REEP3: variants seen among roughly 807,000 people sequenced by gnomAD.
REEP3 encodes the protein receptor expression-enhancing protein 3.
REEP3 carries 20 observed loss-of-function variants against 41.3 expected under a neutral mutation model. That is an observed-to-expected ratio of 0.48 (90% CI 0.34 to 0.70). REEP3 has a LOEUF of 0.70. REEP3 is among the 30% of genes least tolerant of loss of function. The pLI is 0.01. For synonymous variants in REEP3, 104 were observed against 101.8 expected (o/e 1.02, Z -0.13); for missense variants, 271 against 308.8 (o/e 0.88, Z 0.92).
In REEP3 at chr10:63,533,710, C is replaced by CTTTTTTTTTTGTTTTTTTTTTTTTT. The variant is rs1955447037; in HGVS notation, c.32+12143_32+12144insGTTTTTTTTTTTTTTTTTTTTTTTT. Reference sequence around the variant, plus strand: ...GAAAGAGCCTTGGAAGTATGTAAATCTTTTTTTTTTTTTTTGAGACGGAGT... The same window carrying CTTTTTTTTTTGTTTTTTTTTTTTTT: ...GAAAGAGCCTTGGAAGTATGTAAATCTTTTTTTTTTGTTTTTTTTTTTTTTTTTTTTTTTTTTTTTGAGACGGAGT... On this transcript the variant is annotated intron_variant, in intron 1 of 7. Coordinates refer to ENST00000373758, the MANE Select transcript of REEP3 (RefSeq NM_001001330.3). Among the ~76,000 whole-genome samples the CTTTTTTTTTTGTTTTTTTTTTTTTT allele has an allele frequency of 3.0e-5, 3 of 101,070 alleles. 1 individual carries two copies. The highest frequency in any genetic ancestry group is 6.2e-4 in the East Asian group (2 of 3,202). The allele number at this position is 101,070 out of a possible 152,430, so 66.3% of individuals were successfully genotyped here. A position where few individuals can be genotyped will look rare whatever the true frequency, so the allele number is the denominator to read the frequency against.
intron 1 of REEP3, among the ~76,000 whole-genome samples, chr10:63,542,817 A>G (rs1384447012): frequency 6.6e-6 from 1 of 152,186 alleles, no homozygotes; most frequent in Non-Finnish European, 1.5e-5. Flanking sequence ...TAACAGTTTG[A>G]CCGTAAGTCT....
chr10:63,613,634 T>C (rs1956291960), intron 6 of REEP3, among the ~76,000 whole-genome samples: 1 of 152,144 alleles, frequency 6.6e-6, no homozygotes, highest in African/African-American at 2.4e-5. Flanking sequence ...AAGTTAAAAA[T>C]AGATTGTCTA....
intron 1 of REEP3, among the ~76,000 whole-genome samples, chr10:63,524,685 A>G (rs1195815844): frequency 2.0e-5 from 3 of 152,046 alleles, no homozygotes; most frequent in Non-Finnish European, 4.4e-5. Flanking sequence ...GCCTCAAGTG[A>G]TCCGCCCACC....
At chr10:63,554,778 C>A (rs1363205264) in intron 1 of REEP3, among the ~76,000 whole-genome samples, 1 of 152,156 alleles carries the variant, frequency 6.6e-6, no homozygotes, top group East Asian at 1.9e-4. Context: ...CCCTATGAGC[C>A]ATTCTGTGGT....
At chr10:63,566,290 T>G (rs1298901489) in intron 1 of REEP3, 48 bp from the exon 2 acceptor site, 5 of 1,087,992 alleles carry the variant, frequency 4.6e-6, no homozygotes, top group Non-Finnish European at 6.8e-6. Context: ...ATGAGCTGTT[T>G]AAAACATTGT....
chr10:63,619,871 A>G (rs1383192751), intron 7 of REEP3, 71 bp downstream of exon 7: 2 of 1,107,636 alleles, frequency 1.8e-6, no homozygotes, highest in Non-Finnish European at 2.5e-6. Flanking sequence ...CATTTAGGAT[A>G]TTAATGATCC....
chr10:63,602,761 C>A (rs1213532725), intron 5 of REEP3, among the ~76,000 whole-genome samples: 1 of 152,176 alleles, frequency 6.6e-6, no homozygotes, highest in Non-Finnish European at 1.5e-5. Flanking sequence ...TTATCTTATC[C>A]TCATTCCCTT....
intron 1 of REEP3, among the ~76,000 whole-genome samples, chr10:63,555,118 C>A (rs1249648879): frequency 6.6e-6 from 1 of 152,138 alleles, no homozygotes; most frequent in East Asian, 1.9e-4. Context: ...CATGAAAATT[C>A]CAAGTTTCAT....
chr10:63,527,257 C>G (rs1026168676), intron 1 of REEP3, among the ~76,000 whole-genome samples: 2 of 152,000 alleles, frequency 1.3e-5, no homozygotes, highest in Non-Finnish European at 2.9e-5. Flanking sequence ...AGATCTTTCT[C>G]GACAGCATAC....
intron 2 of REEP3, among the ~76,000 whole-genome samples, chr10:63,579,653 A>C (rs1955931286): frequency 6.6e-6 from 1 of 152,260 alleles, no homozygotes; most frequent in African/African-American, 2.4e-5. Flanking sequence ...GTAATACTTA[A>C]ACCTAAGAGG....
intron 1 of REEP3, among the ~76,000 whole-genome samples, chr10:63,533,708 A>ATATTTTT (rs1464023228): frequency 1.1e-5 from 1 of 93,918 alleles, no homozygotes; most frequent in African/African-American, 3.3e-5. Context: ...AAGTATGTAA[A>ATATTTTT]TCTTTTTTTT....
chr10:63,585,684 T>C (rs1955999180), intron 2 of REEP3, among the ~76,000 whole-genome samples: 1 of 152,212 alleles, frequency 6.6e-6, no homozygotes, highest in African/African-American at 2.4e-5. Context: ...ATTACAATTA[T>C]AACATTTAAC....
At chr10:63,570,645 A>G (rs61853655) in intron 2 of REEP3, among the ~76,000 whole-genome samples, 17,751 of 152,244 alleles carry the variant, frequency 0.12, 1,307 homozygotes, top group East Asian at 0.28. Context: ...GGTAAAAGGC[A>G]GGTGGCTGGA....
At chr10:63,532,663 AAAAG>A (rs1360192151) in intron 1 of REEP3, among the ~76,000 whole-genome samples, 1 of 151,860 alleles carries the variant, frequency 6.6e-6, no homozygotes, top group Non-Finnish European at 1.5e-5. Context: ...CAAAAAAAAA[AAAAG>A]AAAAGGAGAA....
At chr10:63,527,155 A>C (rs1320276158) in intron 1 of REEP3, among the ~76,000 whole-genome samples, 1 of 152,010 alleles carries the variant, frequency 6.6e-6, no homozygotes, top group Non-Finnish European at 1.5e-5. Flanking sequence ...GCTATAATGG[A>C]TGTCTTCAAA....
intron 1 of REEP3, among the ~76,000 whole-genome samples, chr10:63,532,554 C>T (rs918244611): frequency 6.6e-6 from 1 of 151,356 alleles, no homozygotes; most frequent in Admixed American, 6.6e-5. Context: ...CCCAGCTACT[C>T]GAAGGGAGGC....
chr10:63,576,212 G>T (rs988528540), intron 2 of REEP3, among the ~76,000 whole-genome samples: 2 of 152,128 alleles, frequency 1.3e-5, no homozygotes, highest in Non-Finnish European at 2.9e-5. Context: ...CTTATTGAAC[G>T]TGATCTTCAC....
chr10:63,546,597 T>C (rs1485032051), intron 1 of REEP3, among the ~76,000 whole-genome samples: 1 of 152,212 alleles, frequency 6.6e-6, no homozygotes, highest in Non-Finnish European at 1.5e-5. Context: ...TGGAATAAGT[T>C]ACTTATATCA....
intron 6 of REEP3, among the ~76,000 whole-genome samples, chr10:63,612,539 C>T (rs1481211450): frequency 2.0e-5 from 3 of 152,070 alleles, no homozygotes. Context: ...ACCTGTAATC[C>T]CAGAACTTTG....
Sources: allele counts gnomAD v4.1 joint callset (sites outside exome capture counted in the v4.1 genomes callset), GRCh38; gene constraint gnomAD v4.1.1; transcripts MANE v1.5; gene names NCBI Gene and HGNC (gene_info 2026-07-23, HGNC 2026-07-21).